CACNA2D2: variants seen among roughly 807,000 people sequenced by gnomAD.
The protein encoded by CACNA2D2 is calcium voltage-gated channel auxiliary subunit alpha2delta 2, also known as voltage-dependent calcium channel subunit alpha-2/delta-2.
Under a neutral mutation model 166.4 loss-of-function variants are expected in CACNA2D2, and 48 were observed. That is an observed-to-expected ratio of 0.29 (90% CI 0.23 to 0.37). CACNA2D2 has a LOEUF of 0.37. CACNA2D2 is among the 10% of genes least tolerant of loss of function. CACNA2D2 has a pLI of 1.00. For synonymous variants in CACNA2D2, 561 were observed against 573.7 expected, an observed-to-expected ratio of 0.98 and a Z score of 0.32; for missense variants, 1,122 against 1,433.0, an observed-to-expected ratio of 0.78 and a Z score of 3.50.
At chr3:50,455,718 G>T (rs1294561132) in intron 2 of CACNA2D2, among the ~76,000 whole-genome samples, 1 of 152,146 alleles carries the variant, frequency 6.6e-6, no homozygotes, top group Non-Finnish European at 1.5e-5. Context: ...CCTCCCGCCT[G>T]CTCTGGGAGG....
chr3:50,378,699 T>C (rs1181989033), intron 13 of CACNA2D2, among the ~76,000 whole-genome samples: 2 of 151,882 alleles, frequency 1.3e-5, no homozygotes, highest in African/African-American at 2.4e-5. Flanking sequence ...TGGGGGACGG[T>C]TGGACAATGG....
intron 2 of CACNA2D2, among the ~76,000 whole-genome samples, chr3:50,471,962 C>T (rs561854098): frequency 2.6e-5 from 4 of 152,294 alleles, no homozygotes; most frequent in East Asian, 1.9e-4. Context: ...ACACAGACAC[C>T]GTTGATCTGA....
intron 3 of CACNA2D2, among the ~76,000 whole-genome samples, chr3:50,398,700 G>A (rs145218565): frequency 2.5e-4 from 38 of 152,282 alleles, no homozygotes; most frequent in African/African-American, 7.9e-4. Flanking sequence ...TGCCTGGCCC[G>A]TGACGTCCCC....
chr3:50,457,716 C>G (rs188789827), intron 2 of CACNA2D2, among the ~76,000 whole-genome samples: 1 of 152,194 alleles, frequency 6.6e-6, no homozygotes, highest in Admixed American at 6.5e-5. Context: ...TGATGCTGAG[C>G]GCAGAGACTT....
At chr3:50,444,554 C>A (rs1708755725) in intron 2 of CACNA2D2, among the ~76,000 whole-genome samples, 1 of 152,186 alleles carries the variant, frequency 6.6e-6, no homozygotes, top group African/African-American at 2.4e-5. Flanking sequence ...CTCCCAAGGC[C>A]CTGAGCACCT....
At chr3:50,418,001 C>G (rs555117550) in intron 3 of CACNA2D2, among the ~76,000 whole-genome samples, 1 of 152,246 alleles carries the variant, frequency 6.6e-6, no homozygotes, top group East Asian at 1.9e-4. Flanking sequence ...CACATCCCTG[C>G]CTGTATCAGG....
chr3:50,416,921 ATGCACATG>A (rs1436322560), intron 3 of CACNA2D2, among the ~76,000 whole-genome samples: 22 of 152,182 alleles, frequency 1.4e-4, no homozygotes, highest in Non-Finnish European at 2.1e-4. Context: ...ATGGGCTGAG[ATGCACATG>A]TGCACATGTA....
intron 3 of CACNA2D2, among the ~76,000 whole-genome samples, chr3:50,407,458 G>A (rs1163727262): frequency 6.6e-6 from 1 of 152,194 alleles, no homozygotes; most frequent in African/African-American, 2.4e-5. Context: ...CTCAAGGCCA[G>A]GGGGTGGAAT....
At chr3:50,499,956 C>T (rs992396935) in intron 1 of CACNA2D2, among the ~76,000 whole-genome samples, 2 of 152,190 alleles carry the variant, frequency 1.3e-5, no homozygotes, top group Non-Finnish European at 2.9e-5. Flanking sequence ...GTGACAGCAG[C>T]AGCGGCTGGG....
Position 50,380,666 on chromosome 3 carries a change from G to A in CACNA2D2, c.842+82C>T. On this transcript the variant is annotated intron_variant, in intron 8 of 37. Transcript: ENST00000424201. This position sits in a 1 kb window ranked among gnomAD's most constrained non-coding sequence, Gnocchi z 4.9. ...CTGGCTGCGCCCTGCTAGGAGGCTT[G>A]GAAATGGGGAGGGAGGGGAGCAGGC... 2 of 1,165,640 alleles carry A rather than the reference G, an allele frequency of 1.7e-6. No homozygotes were observed. Among genetic ancestry groups the A allele is most frequent in the South Asian group, 1.7e-5 (1 of 59,660 alleles). The allele number at this position is 1,165,640 out of a possible 1,614,324, so 72.2% of individuals were successfully genotyped here.
intron 15 of CACNA2D2, 83 bp downstream of exon 15, chr3:50,377,925 G>A (rs1345760242): frequency 6.6e-7 from 1 of 1,507,158 alleles, no homozygotes; most frequent in Admixed American, 1.7e-5. Context: ...CCCCATAAGG[G>A]GGCCCTCCAG....
intron 1 of CACNA2D2, among the ~76,000 whole-genome samples, chr3:50,484,363 T>C (rs1698184453): frequency 2.0e-5 from 3 of 152,092 alleles, no homozygotes; most frequent in South Asian, 4.2e-4. Context: ...TCCCAGTCTG[T>C]TCCCCTCTAC....
intron 2 of CACNA2D2, among the ~76,000 whole-genome samples, chr3:50,444,033 G>A (rs377725079): frequency 1.3e-5 from 2 of 152,308 alleles, no homozygotes; most frequent in Non-Finnish European, 2.9e-5. Context: ...CTCATGAGAC[G>A]GAATTGAGGC....
At chr3:50,459,290 C>G (rs189184336) in intron 2 of CACNA2D2, among the ~76,000 whole-genome samples, 1 of 152,114 alleles carries the variant, frequency 6.6e-6, no homozygotes, top group Non-Finnish European at 1.5e-5. Flanking sequence ...GCCTGGGCCA[C>G]GGGGAGTGGA....
chr3:50,413,913 C>T (rs1011591161), intron 3 of CACNA2D2, among the ~76,000 whole-genome samples: 5 of 151,960 alleles, frequency 3.3e-5, no homozygotes, highest in African/African-American at 9.7e-5. Flanking sequence ...GTTGCCAGGG[C>T]CCCATTTCCC....
At chr3:50,364,850 G>A (rs201737407) in intron 37 of CACNA2D2, 38 bp downstream of exon 37, 32 of 1,613,116 alleles carry the variant, frequency 2.0e-5, no homozygotes, top group Non-Finnish European at 2.5e-5. Flanking sequence ...GCGGGCGCAA[G>A]GCCGCGGGAT....
chr3:50,450,766 G>A (rs894414947), intron 2 of CACNA2D2, among the ~76,000 whole-genome samples: 2 of 152,144 alleles, frequency 1.3e-5, no homozygotes, highest in Admixed American at 1.3e-4. Context: ...CCTTCCCATC[G>A]GCAGGCCTCC....
intron 3 of CACNA2D2, among the ~76,000 whole-genome samples, chr3:50,423,879 G>A (rs532509131): frequency 6.6e-6 from 1 of 152,380 alleles, no homozygotes; most frequent in East Asian, 1.9e-4. Flanking sequence ...CCCCAAAGAG[G>A]GGAAGGCTGG....
Position 50,367,988 on chromosome 3 carries a change from G to A in CACNA2D2, c.2144-86C>T. 8.6e-7 allele frequency: 1 copy of A among 1,168,032 alleles called. No homozygotes were observed. The highest frequency in any genetic ancestry group is 1.3e-6 in the Non-Finnish European group (1 of 790,266). The allele number at this position is 1,168,032 out of a possible 1,614,324, so 72.4% of individuals were successfully genotyped here. A position where few individuals can be genotyped will look rare whatever the true frequency, so the allele number is the denominator to read the frequency against. On this transcript the variant is annotated intron_variant, in intron 24 of 37. Transcript: ENST00000424201. The surrounding 1 kb of genome is among the most constrained non-coding windows in gnomAD (Gnocchi z 6.5). The stretch of plus-strand genomic sequence containing the variant: ...CACCCCCACCCTTAAGGCTCCACCA[G>A]GAGCCTCCTCCATGACCTGGCCCTG...
Sources: allele counts gnomAD v4.1 joint callset (sites outside exome capture counted in the v4.1 genomes callset), GRCh38; gene constraint gnomAD v4.1.1; non-coding constraint Gnocchi (gnomAD v3.1); transcripts MANE v1.5; gene names NCBI Gene and HGNC (gene_info 2026-07-23, HGNC 2026-07-21).